Variants in UTRN observed in about 807,000 individuals in gnomAD.
UTRN encodes the protein utrophin, also known as dystrophin-related protein 1.
In UTRN, 283 loss-of-function variants were observed where a neutral mutation model predicts 463.9. The observed-to-expected ratio is 0.61, with a 90% CI of 0.55 to 0.67. The LOEUF (loss-of-function observed/expected upper bound fraction) is 0.67, where lower values mean the gene tolerates loss of function less well. Ranked by LOEUF, UTRN falls within the 30% of genes least tolerant of loss-of-function variation. UTRN has a pLI of 0.00. For synonymous variants in UTRN, 1,442 were observed against 1,431.5 expected, an observed-to-expected ratio of 1.01 and a Z score of -0.17; for missense variants, 3,922 against 4,084.3, an observed-to-expected ratio of 0.96 and a Z score of 1.08.
intron 51 of UTRN, among the ~76,000 whole-genome samples, chr6:144,606,433 A>T (rs1160554319): frequency 6.6e-6 from 1 of 152,206 alleles, no homozygotes; most frequent in African/African-American, 2.4e-5. Flanking sequence ...AAATTAGCTA[A>T]TGCTCAGTTT....
chr6:144,563,619 T>G (rs1348804285), intron 50 of UTRN, among the ~76,000 whole-genome samples: 1 of 152,168 alleles, frequency 6.6e-6, no homozygotes, highest in Non-Finnish European at 1.5e-5. Context: ...ATTTATCCTC[T>G]CGGAAGCTTA....
chr6:144,571,185 C>G (rs114265058), intron 50 of UTRN, among the ~76,000 whole-genome samples: 2,269 of 151,962 alleles, frequency 0.015, 65 homozygotes, highest in African/African-American at 0.052. Flanking sequence ...TTTCTAGTGC[C>G]TTTTTAGCAC....
chr6:144,837,145 A>G (rs561895199), intron 71 of UTRN: 23 of 152,836 alleles, frequency 1.5e-4, no homozygotes, highest in African/African-American at 5.1e-4. Flanking sequence ...CTTATTTTCT[A>G]TTTTCCCTTT....
intron 18 of UTRN, among the ~76,000 whole-genome samples, chr6:144,452,305 G>A (rs1385254895): frequency 6.6e-6 from 1 of 152,186 alleles, no homozygotes; most frequent in Non-Finnish European, 1.5e-5. Flanking sequence ...AAGTAGGATA[G>A]CTGAATTTAT....
chr6:144,781,373 G>A (rs1388888917), intron 60 of UTRN, among the ~76,000 whole-genome samples: 6 of 152,194 alleles, frequency 3.9e-5, no homozygotes, highest in Non-Finnish European at 8.8e-5. Flanking sequence ...GCAGGCAGTG[G>A]AGAGCTGTTA....
intron 2 of UTRN, among the ~76,000 whole-genome samples, chr6:144,313,957 A>G (rs1232749977): frequency 6.6e-6 from 1 of 152,180 alleles, no homozygotes; most frequent in Non-Finnish European, 1.5e-5. Flanking sequence ...ACTTTTTATA[A>G]TATACATGTT....
intron 66 of UTRN, among the ~76,000 whole-genome samples, chr6:144,827,093 G>A (rs554510884): frequency 5.3e-5 from 8 of 152,080 alleles, no homozygotes; most frequent in Non-Finnish European, 1.2e-4. Context: ...ACTGTTTAAA[G>A]ATGTGTTTGC....
At chr6:144,778,639 A>G (rs1775550602) in intron 60 of UTRN, among the ~76,000 whole-genome samples, 1 of 151,786 alleles carries the variant, frequency 6.6e-6, no homozygotes, top group African/African-American at 2.4e-5. Flanking sequence ...ATAAAATAAA[A>G]AAATAAAGAA....
In UTRN at chr6:144,511,075, G is replaced by A. The variant is rs368199759; in HGVS notation, c.4896G>A (p.Gly1632=). 6 of 1,610,442 alleles carry A rather than the reference G, an allele frequency of 3.7e-6. No homozygotes were observed. The highest frequency in any genetic ancestry group is 5.1e-6 in the Non-Finnish European group (6 of 1,177,688). The change falls in exon 35 of 75, where the codon GGG becomes GGA. Residue 1632 remains glycine, a synonymous_variant. Coordinates refer to ENST00000367545, the MANE Select transcript of UTRN (RefSeq NM_007124.3). The part of the protein sequence containing the change: ...LEERLCVLNA[G]WSRVRTWTED... Reference sequence around the variant, plus strand: ...AGAGGCTCTGCGTCCTTAACGCTGGGTGGAGCCGAGTTCGTACCTGGACTG... The same window carrying A: ...AGAGGCTCTGCGTCCTTAACGCTGGATGGAGCCGAGTTCGTACCTGGACTG...
chr6:144,814,383 T>G (rs1778896038), intron 65 of UTRN, among the ~76,000 whole-genome samples: 1 of 152,192 alleles, frequency 6.6e-6, no homozygotes, highest in South Asian at 2.1e-4. Context: ...CTGTTTTATT[T>G]AAGCCACTCA....
chr6:144,423,738 T>A, intron 5 of UTRN, 112 bp downstream of exon 5: 1 of 1,312,336 alleles, frequency 7.6e-7, no homozygotes, highest in Non-Finnish European at 1.1e-6. Context: ...AAACATTTTT[T>A]CTTATGAGAA....
At chr6:144,644,320 G>A (rs897604514) in intron 51 of UTRN, among the ~76,000 whole-genome samples, 2 of 152,070 alleles carry the variant, frequency 1.3e-5, no homozygotes, top group Non-Finnish European at 2.9e-5. Context: ...AAATATAAGA[G>A]CTTCATACAT....
chr6:144,810,760 A>C (rs1385071069), intron 65 of UTRN, among the ~76,000 whole-genome samples: 1 of 152,154 alleles, frequency 6.6e-6, no homozygotes, highest in African/African-American at 2.4e-5. Flanking sequence ...GCAAGGGTAG[A>C]TTCATTGTCA....
chr6:144,478,923 AT>A (rs1791537959), intron 25 of UTRN, among the ~76,000 whole-genome samples: 1 of 152,128 alleles, frequency 6.6e-6, no homozygotes, highest in Non-Finnish European at 1.5e-5. Flanking sequence ...ACAACTATCT[AT>A]TTTTTACTGT....
intron 22 of UTRN, among the ~76,000 whole-genome samples, 161 bp downstream of exon 22, chr6:144,461,503 T>C (rs1789405140): frequency 6.6e-6 from 1 of 152,190 alleles, no homozygotes; most frequent in Non-Finnish European, 1.5e-5. Context: ...TGACCTCACA[T>C]AAAAGAAAGT....
chr6:144,771,667 C>A (rs1038294448), intron 58 of UTRN, among the ~76,000 whole-genome samples: 3 of 152,038 alleles, frequency 2.0e-5, no homozygotes, highest in African/African-American at 7.3e-5. Flanking sequence ...CTCAAGTGAT[C>A]CACCTGCCTC....
intron 66 of UTRN, among the ~76,000 whole-genome samples, chr6:144,823,359 G>A (rs117781325): frequency 0.011 from 1,614 of 152,184 alleles, 26 homozygotes; most frequent in East Asian, 0.057. Context: ...GTACAGGGCC[G>A]CTTAATCTTC....
At chr6:144,744,930 T>TA (rs1204889091) in intron 54 of UTRN, among the ~76,000 whole-genome samples, 1 of 152,218 alleles carries the variant, frequency 6.6e-6, no homozygotes, top group East Asian at 1.9e-4. Flanking sequence ...TCAATTTATA[T>TA]GCCAATAGGC....
At chr6:144,695,524 T>C (rs1444516808) in intron 52 of UTRN, among the ~76,000 whole-genome samples, 1 of 152,086 alleles carries the variant, frequency 6.6e-6, no homozygotes, top group East Asian at 1.9e-4. Context: ...TTTGTATTTT[T>C]AGTAGAGACG....
Sources: allele counts gnomAD v4.1 joint callset (sites outside exome capture counted in the v4.1 genomes callset), GRCh38; gene constraint gnomAD v4.1.1; transcripts MANE v1.5; gene names NCBI Gene and HGNC (gene_info 2026-07-23, HGNC 2026-07-21).